The following CDH13 variants were observed in gnomAD, a reference collection of about 807,000 sequenced individuals.
CDH13 encodes the protein cadherin 13, also known as cadherin-13.
In CDH13, 24 loss-of-function variants were observed where a neutral mutation model predicts 63.8. The ratio of observed to expected loss-of-function variants is 0.38; its 90% CI spans 0.27 to 0.53. The LOEUF (loss-of-function observed/expected upper bound fraction) is 0.53, where lower values mean the gene tolerates loss of function less well. Ranked by LOEUF, CDH13 falls within the 20% of genes least tolerant of loss-of-function variation. The pLI, the probability that CDH13 is intolerant of heterozygous loss-of-function variation, is 0.85. For synonymous variants in CDH13, 503 were observed against 355.3 expected, an observed-to-expected ratio of 1.42 and a Z score of -4.67; for missense variants, 1,049 against 903.1, an observed-to-expected ratio of 1.16 and a Z score of -2.07.
At chr16:82,900,958 A>C (rs1205403029) in intron 2 of CDH13, among the ~76,000 whole-genome samples, 1 of 152,182 alleles carries the variant, frequency 6.6e-6, no homozygotes, top group Non-Finnish European at 1.5e-5. Flanking sequence ...TGGATAAAGG[A>C]ACTTCATCTG....
chr16:83,076,874 C>A (rs1174127330), intron 3 of CDH13, among the ~76,000 whole-genome samples: 1 of 152,030 alleles, frequency 6.6e-6, no homozygotes, highest in Admixed American at 6.6e-5. Context: ...TACTTTGGTG[C>A]AAAAGTAATT....
chr16:83,065,733 A>G (rs578029292), intron 3 of CDH13, among the ~76,000 whole-genome samples: 1 of 151,838 alleles, frequency 6.6e-6, no homozygotes, highest in Non-Finnish European at 1.5e-5. Context: ...AAAAAACAAA[A>G]AAAAAAAAAC....
At chr16:83,561,835 G>C (rs1312450539) in intron 7 of CDH13, among the ~76,000 whole-genome samples, 1 of 152,172 alleles carries the variant, frequency 6.6e-6, no homozygotes, top group Non-Finnish European at 1.5e-5. Flanking sequence ...TCACTGTTTT[G>C]TAGTTCCTTA....
chr16:83,082,931 C>G (rs2033352001), intron 3 of CDH13, among the ~76,000 whole-genome samples: 1 of 152,102 alleles, frequency 6.6e-6, no homozygotes, highest in Non-Finnish European at 1.5e-5. Flanking sequence ...TATGTCTATT[C>G]CCAGACAGTG....
intron 2 of CDH13, among the ~76,000 whole-genome samples, chr16:82,968,675 A>G (rs1290273029): frequency 6.6e-6 from 1 of 152,176 alleles, no homozygotes; most frequent in African/African-American, 2.4e-5. Context: ...CCCAGGCAGG[A>G]TGAATTATTC....
intron 4 of CDH13, among the ~76,000 whole-genome samples, chr16:83,148,939 T>G (rs577463083): frequency 3.3e-5 from 5 of 152,208 alleles, no homozygotes; most frequent in Non-Finnish European, 7.3e-5. Flanking sequence ...CTCATTATCT[T>G]AAATTAAGGT....
chr16:82,792,354 T>C (rs1210155381), intron 1 of CDH13, among the ~76,000 whole-genome samples: 2 of 152,158 alleles, frequency 1.3e-5, no homozygotes, highest in Non-Finnish European at 2.9e-5. Context: ...GCCTACTATT[T>C]GATATTTGTG....
chr16:83,212,189 C>T (rs1374128178), intron 4 of CDH13, among the ~76,000 whole-genome samples: 1 of 152,142 alleles, frequency 6.6e-6, no homozygotes, highest in African/African-American at 2.4e-5. Context: ...TGGAAACACA[C>T]TTGATTTGCA....
At chr16:82,937,555 T>G (rs1342531255) in intron 2 of CDH13, among the ~76,000 whole-genome samples, 2 of 152,172 alleles carry the variant, frequency 1.3e-5, no homozygotes. Context: ...ACCTAGCACA[T>G]AGCAGACACA....
chr16:83,397,190 CAAGG>C (rs1567643877), intron 6 of CDH13, among the ~76,000 whole-genome samples: 1 of 152,124 alleles, frequency 6.6e-6, no homozygotes, highest in East Asian at 1.9e-4. Flanking sequence ...TGTGTTTCCC[CAAGG>C]CCTTTGAGGG....
At chr16:82,691,781 G>A (rs1445756555) in intron 1 of CDH13, among the ~76,000 whole-genome samples, 1 of 152,138 alleles carries the variant, frequency 6.6e-6, no homozygotes, top group African/African-American at 2.4e-5. Flanking sequence ...ATTCTGACAT[G>A]GGTTAATAAG....
chr16:82,669,007 A>T (rs1912930744), intron 1 of CDH13, among the ~76,000 whole-genome samples: 1 of 152,178 alleles, frequency 6.6e-6, no homozygotes, highest in Admixed American at 6.5e-5. Context: ...GCTGATTTTC[A>T]TATTGCTCTC....
intron 1 of CDH13, among the ~76,000 whole-genome samples, chr16:82,844,948 C>G (rs893568716): frequency 6.6e-6 from 1 of 152,132 alleles, no homozygotes; most frequent in East Asian, 1.9e-4. Context: ...AGGCACCGCA[C>G]CTGGCCAATA....
intron 7 of CDH13, among the ~76,000 whole-genome samples, chr16:83,497,160 G>A (rs1422387515): frequency 6.6e-6 from 1 of 151,962 alleles, no homozygotes; most frequent in Non-Finnish European, 1.5e-5. Flanking sequence ...CCCATTACTG[G>A]GTATATACCC....
chr16:83,751,584 G>C (rs539193161), intron 11 of CDH13, among the ~76,000 whole-genome samples: 2 of 152,222 alleles, frequency 1.3e-5, no homozygotes, highest in Non-Finnish European at 2.9e-5. Flanking sequence ...CCAAGCCAAG[G>C]TAGTGAAGTT....
At chr16:83,144,406 TAAG>T (rs935190171) in intron 4 of CDH13, among the ~76,000 whole-genome samples, 16 of 152,194 alleles carry the variant, frequency 1.1e-4, no homozygotes, top group African/African-American at 3.9e-4. Context: ...TAAAAATAAA[TAAG>T]AAGCAGTAGT....
chr16:83,018,174 A>C (rs1458892224), intron 2 of CDH13, among the ~76,000 whole-genome samples: 1 of 152,168 alleles, frequency 6.6e-6, no homozygotes, highest in Non-Finnish European at 1.5e-5. Context: ...CTCCCAGCTT[A>C]TCTCATTTTG....
intron 2 of CDH13, among the ~76,000 whole-genome samples, chr16:82,897,531 A>T (rs1368339414): frequency 2.0e-5 from 3 of 152,230 alleles, no homozygotes. Context: ...CAACGCTGGG[A>T]GCTGCTATTA....
chr16:83,489,012 G>T (rs187339848), intron 7 of CDH13, among the ~76,000 whole-genome samples: 1 of 152,076 alleles, frequency 6.6e-6, no homozygotes, highest in Admixed American at 6.5e-5. Flanking sequence ...CACTTGACAC[G>T]TGTGTGCAGG....
Sources: allele counts gnomAD v4.1 joint callset (sites outside exome capture counted in the v4.1 genomes callset), GRCh38; gene constraint gnomAD v4.1.1; transcripts MANE v1.5; gene names NCBI Gene and HGNC (gene_info 2026-07-23, HGNC 2026-07-21).